Variants in LEMD1 observed in about 807,000 individuals in gnomAD.
LEMD1 encodes LEM domain containing 1.
A neutral mutation model predicts 17.4 loss-of-function variants in LEMD1; 18 were observed. That is an observed-to-expected ratio of 1.04 (90% confidence interval 0.72 to 1.54). The LOEUF (loss-of-function observed/expected upper bound fraction) is 1.54, where lower values mean the gene tolerates loss of function less well. Among genes scored for constraint, LEMD1 ranks in the 40% most tolerant of loss-of-function variants. LEMD1 has a pLI of 0.00. For synonymous variants in LEMD1, 88 were observed against 77.8 expected, an observed-to-expected ratio of 1.13 and a Z score of -0.69; for missense variants, 195 against 210.4, an observed-to-expected ratio of 0.93 and a Z score of 0.45.
chr1:205,417,832 TAAA>T lies in LEMD1; in HGVS notation c.205+1395_205+1397del, dbSNP rs35330399. On this transcript the variant is annotated intron_variant, in intron 3 of 5. Transcript: ENST00000367153. ...TCCTTTTTTTGTAGATCAGACATGGTAAAAAAAAAAAAAAATGTAATGTGGTCA... is the reference window on the plus strand; with the variant it reads ...TCCTTTTTTTGTAGATCAGACATGGTAAAAAAAAAAAATGTAATGTGGTCA... Among the ~76,000 whole-genome samples the T allele has an allele frequency of 3.2e-4, 46 of 144,054 alleles. 1 individual carries two copies. Among genetic ancestry groups the T allele is most frequent in the East Asian group, 1.0e-3 (5 of 4,996 alleles). 94.5% of individuals were successfully genotyped at this position (144,054 alleles called of 152,430 possible).
At chr1:205,382,540 G>A (rs1663765400) in intron 5 of LEMD1, among the ~76,000 whole-genome samples, 1 of 152,146 alleles carries the variant, frequency 6.6e-6, no homozygotes, top group South Asian at 2.1e-4. Flanking sequence ...TGGGATTACA[G>A]GCGTGAGCCA....
chr1:205,391,096 A>G (rs905403233), intron 4 of LEMD1, among the ~76,000 whole-genome samples: 5 of 152,324 alleles, frequency 3.3e-5, no homozygotes, highest in Non-Finnish European at 5.9e-5. Flanking sequence ...AATCCATTAA[A>G]AATACCGATG....
At chr1:205,399,709 C>T (rs138537708) in intron 4 of LEMD1, among the ~76,000 whole-genome samples, 4 of 152,300 alleles carry the variant, frequency 2.6e-5, no homozygotes, top group Admixed American at 1.3e-4. Context: ...CTAGCCAAAT[C>T]TGGGAGGATT....
chr1:205,425,195 T>C (rs2102449343), upstream of LEMD1, among the ~76,000 whole-genome samples: 1 of 152,274 alleles, frequency 6.6e-6, no homozygotes, highest in South Asian at 2.1e-4. Context: ...TAGTCAACCC[T>C]TGATTATCTA....
chr1:205,384,658 G>A (rs934371755), intron 4 of LEMD1, among the ~76,000 whole-genome samples: 1 of 152,136 alleles, frequency 6.6e-6, no homozygotes, highest in African/African-American at 2.4e-5. Context: ...GCTCTATTTT[G>A]CTTCTTTATT....
chr1:205,402,964 G>T (rs1193748242), intron 4 of LEMD1, among the ~76,000 whole-genome samples: 2 of 151,774 alleles, frequency 1.3e-5, no homozygotes, highest in Non-Finnish European at 2.9e-5. Flanking sequence ...ATAATCATGT[G>T]GTTTTTGTCT....
intron 4 of LEMD1, among the ~76,000 whole-genome samples, chr1:205,404,505 C>G (rs948656684): frequency 1.3e-5 from 2 of 152,102 alleles, no homozygotes; most frequent in African/African-American, 4.8e-5. Context: ...GTCTGTTTTT[C>G]AGATACTAGG....
At chr1:205,432,116 G>A (rs1666133092) in intron 1 of LEMD1, among the ~76,000 whole-genome samples, 1 of 152,222 alleles carries the variant, frequency 6.6e-6, no homozygotes. Flanking sequence ...TATCTTTGAG[G>A]TTCTCACTGT....
intron 4 of LEMD1, among the ~76,000 whole-genome samples, chr1:205,395,105 T>C (rs2102367011): frequency 6.6e-6 from 1 of 152,184 alleles, no homozygotes; most frequent in South Asian, 2.1e-4. Flanking sequence ...TCTAAGGAAA[T>C]ACATACTGAA....
chr1:205,432,799 A>C (rs1666144731), intron 1 of LEMD1, among the ~76,000 whole-genome samples: 1 of 152,102 alleles, frequency 6.6e-6, no homozygotes, highest in Non-Finnish European at 1.5e-5. Flanking sequence ...GCTTCAGCTC[A>C]GGAGTTCAAG....
At position 205,432,038 on chromosome 1, in the gene LEMD1, AGCCT is replaced by A. The variant is rs1310264074; in HGVS notation, c.-38-11468_-38-11465del. On this transcript the variant is annotated intron_variant, in intron 1 of 3. Transcript: ENST00000367154. ...CCAACACAGAAGCTTTAGGATTACC[AGCCT>A]GCAGTCCCTTCCCAATCTTCTGGTC... is the stretch of plus-strand genomic sequence containing the variant. 3.9e-5 allele frequency among the ~76,000 whole-genome samples: 6 copies of A among 152,298 alleles called. No homozygotes were observed. The East Asian group carries it at 1.2e-3, about 30-fold the overall frequency.
intron 5 of LEMD1, among the ~76,000 whole-genome samples, chr1:205,383,661 T>C (rs1381714625): frequency 6.7e-6 from 1 of 148,658 alleles, no homozygotes; most frequent in East Asian, 2.0e-4. Context: ...TGAGGCAGAG[T>C]CTCGCTCTGT....
intron 1 of LEMD1, among the ~76,000 whole-genome samples, chr1:205,438,460 G>A (rs530652807): frequency 4.1e-4 from 62 of 152,352 alleles, no homozygotes; most frequent in African/African-American, 1.4e-3. Flanking sequence ...CGAATGCTGG[G>A]GCTGCTTTGG....
At chr1:205,431,519 C>T (rs1351512402) in intron 1 of LEMD1, among the ~76,000 whole-genome samples, 2 of 152,094 alleles carry the variant, frequency 1.3e-5, no homozygotes, top group Non-Finnish European at 2.9e-5. Flanking sequence ...TTCTCTAGGC[C>T]GCCACAGATA....
chr1:205,403,205 A>G (rs1198223777), intron 4 of LEMD1, among the ~76,000 whole-genome samples: 1 of 152,182 alleles, frequency 6.6e-6, no homozygotes, highest in Non-Finnish European at 1.5e-5. Flanking sequence ...TCAGGATGGT[A>G]CTGGCCTCAT....
intron 1 of LEMD1, among the ~76,000 whole-genome samples, chr1:205,447,424 T>C (rs1666411470): frequency 6.6e-6 from 1 of 152,126 alleles, no homozygotes; most frequent in South Asian, 2.1e-4. Context: ...CCAAATCTAG[T>C]GCTTTCTGTG....
At position 205,390,224 on chromosome 1, in the gene LEMD1, G is replaced by A. The variant is rs533691521; in HGVS notation, c.271-5860C>T. On this transcript the variant is annotated intron_variant, in intron 4 of 5. Coordinates refer to ENST00000367153, the MANE Select transcript of LEMD1 (RefSeq NM_001199050.2). The stretch of plus-strand genomic sequence containing the variant: ...ACAAAAATTAGCCGGGCATGGTGGT[G>A]TGCATCTGTAATCTCAGCTACTTGG... 4.6e-5 allele frequency among the ~76,000 whole-genome samples: 7 copies of A among 152,100 alleles called. 1 individual carries two copies. Among genetic ancestry groups the A allele is most frequent in the African/African-American group, 1.4e-4 (6 of 41,498 alleles).
rs1402943330 is a variant in LEMD1, at chr1:205,403,343, G to T, written c.270+12889C>A. Among the ~76,000 whole-genome samples, 5 of 152,006 alleles carry T rather than the reference G, an allele frequency of 3.3e-5. No individual in the cohort carries two copies. In the South Asian group the frequency reaches 8.3e-4, roughly 25 times the overall value. On this transcript the variant is annotated intron_variant, in intron 4 of 5. Coordinates refer to ENST00000367153, the MANE Select transcript of LEMD1 (RefSeq NM_001199050.2). The stretch of plus-strand genomic sequence containing the variant: ...ATCCATCTGGTCCTGGACTCTTTTT[G>T]GTTGGTAAGCTATTGATTATTGCCA...
intron 4 of LEMD1, 134 bp from the exon 5 acceptor site, chr1:205,384,498 A>C: frequency 1.9e-6 from 1 of 525,574 alleles, no homozygotes; most frequent in Non-Finnish European, 3.3e-6. Flanking sequence ...GGTACTTTAA[A>C]ATACAAACTT....
Sources: gnomAD v4.1 joint callset for allele counts (sites outside exome capture counted in the v4.1 genomes callset) on GRCh38, gnomAD v4.1.1 for gene constraint, MANE v1.5 for transcripts, NCBI Gene and HGNC (gene_info 2026-07-23, HGNC 2026-07-21) for gene names.